Variants in DGKB observed in about 807,000 individuals in gnomAD.
The protein encoded by DGKB is 90 kDa diacylglycerol kinase.
A neutral mutation model predicts 114.3 loss-of-function variants in DGKB; 67 were observed. That is an observed-to-expected ratio of 0.59 (90% CI 0.48 to 0.72). The LOEUF (loss-of-function observed/expected upper bound fraction) is 0.72, where lower values mean the gene tolerates loss of function less well. DGKB is among the 30% of genes least tolerant of loss of function. The pLI is 0.00. For synonymous variants in DGKB, 398 were observed against 323.1 expected (o/e 1.23, Z -2.49); for missense variants, 907 against 975.2 (o/e 0.93, Z 0.93).
intron 23 of DGKB, among the ~76,000 whole-genome samples, chr7:14,325,543 T>C (rs1176914064): frequency 2.6e-5 from 4 of 152,140 alleles, no homozygotes; most frequent in African/African-American, 9.7e-5. Context: ...TTCGTTGGGA[T>C]AAATATTCTA....
chr7:14,775,681 A>C (rs538960125), intron 2 of DGKB, among the ~76,000 whole-genome samples: 1 of 151,982 alleles, frequency 6.6e-6, no homozygotes, highest in Non-Finnish European at 1.5e-5. Context: ...CATGTGAAGA[A>C]GGATGTGTTT....
intron 22 of DGKB, among the ~76,000 whole-genome samples, chr7:14,340,012 T>A (rs1186948801): frequency 6.6e-6 from 1 of 151,902 alleles, no homozygotes; most frequent in African/African-American, 2.4e-5. Flanking sequence ...AAGCTAGGAT[T>A]GCATCTTGTT....
intron 14 of DGKB, among the ~76,000 whole-genome samples, chr7:14,628,068 A>G (rs1439040437): frequency 6.6e-6 from 1 of 152,172 alleles, no homozygotes; most frequent in Non-Finnish European, 1.5e-5. Context: ...AGTAAGTACC[A>G]GGAGGCAGCT....
chr7:14,578,653 G>C (rs956706298), intron 19 of DGKB, among the ~76,000 whole-genome samples: 1 of 152,122 alleles, frequency 6.6e-6, no homozygotes, highest in African/African-American at 2.4e-5. Flanking sequence ...AATCATGTAA[G>C]CTCTAGTCTG....
chr7:14,519,786 C>T (rs1196641632), intron 20 of DGKB, among the ~76,000 whole-genome samples: 2 of 151,712 alleles, frequency 1.3e-5, no homozygotes. Context: ...TTTTAATTTG[C>T]ATTTCTTTAA....
chr7:14,497,187 CG>C (rs1785430048), intron 20 of DGKB, among the ~76,000 whole-genome samples: 1 of 150,890 alleles, frequency 6.6e-6, no homozygotes, highest in African/African-American at 2.4e-5. Context: ...GACTCAGAAG[CG>C]GGGAGAAAGA....
At chr7:14,659,150 C>T (rs1369491151) in intron 13 of DGKB, among the ~76,000 whole-genome samples, 1 of 151,944 alleles carries the variant, frequency 6.6e-6, no homozygotes, top group East Asian at 1.9e-4. Context: ...TAACTCTATT[C>T]TTAAAGGCTC....
intron 21 of DGKB, among the ~76,000 whole-genome samples, chr7:14,430,221 A>T (rs12533433): frequency 0.11 from 17,276 of 152,184 alleles, 1,178 homozygotes; most frequent in East Asian, 0.29. Context: ...TTGGACCAAG[A>T]TATACGCCTT....
intron 5 of DGKB, among the ~76,000 whole-genome samples, chr7:14,727,984 C>G (rs75085642): frequency 0.027 from 4,064 of 152,290 alleles, 91 homozygotes; most frequent in South Asian, 0.047. Flanking sequence ...ATTTTCTGTT[C>G]TTAATTGATT....
chr7:14,190,182 A>C (rs1264561022), intron 23 of DGKB, among the ~76,000 whole-genome samples: 1 of 152,200 alleles, frequency 6.6e-6, no homozygotes, highest in African/African-American at 2.4e-5. Context: ...GTAAGAAGAG[A>C]TGATCAGCTA....
In DGKB at chr7:14,583,084, T is replaced by C. The variant is rs1800192735; in HGVS notation, c.1487A>G (p.Asp496Gly). 1 of 1,613,284 alleles carries C rather than the reference T, an allele frequency of 6.2e-7. No individual in the cohort carries two copies. The highest frequency in any genetic ancestry group is 8.5e-7 in the Non-Finnish European group (1 of 1,179,650). Reference protein sequence around the residue: ...PDFRVLACGGDGTVGWVLDCI... With the variant: ...PDFRVLACGGGGTVGWVLDCI... Reference sequence around the variant, plus strand: ...ATCCAAAACCCAGCCCACGGTTCCATCTCCACCACAGGCTAACACTCTGAA... The same window carrying C: ...ATCCAAAACCCAGCCCACGGTTCCACCTCCACCACAGGCTAACACTCTGAA... Residue 496 changes from aspartate (D) to glycine (G), a missense_variant, in exon 18 of 26, where the codon GAT becomes GGT. Asp to Gly is a moderately conservative substitution (Grantham distance 94, BLOSUM62 -1). Transcript: ENST00000402815.
intron 9 of DGKB, among the ~76,000 whole-genome samples, chr7:14,693,859 C>G (rs1200846914): frequency 6.6e-6 from 1 of 151,958 alleles, no homozygotes; most frequent in Non-Finnish European, 1.5e-5. Context: ...ATTTTTAATC[C>G]TGAAGTAATA....
rs71004316 is a variant in DGKB, at chr7:14,607,157, CGT to C, written c.1433+275_1433+276del. On this transcript the variant is annotated intron_variant, in intron 17 of 25. Transcript: ENST00000402815. ...TCAAACTGGCATTCAGCTAGTTTGT[CGT>C]GTGTGTGTGTGTGTGTGTGTGTGAG... Among the ~76,000 whole-genome samples the C allele has an allele frequency of 9.6e-3, 1,424 of 148,280 alleles. 18 individuals are homozygous for C. The highest frequency in any genetic ancestry group is 0.055 in the South Asian group (256 of 4,664).
chr7:14,253,075 C>T (rs752513520), intron 23 of DGKB, among the ~76,000 whole-genome samples: 10 of 151,662 alleles, frequency 6.6e-5, no homozygotes, highest in Non-Finnish European at 1.0e-4. Flanking sequence ...CGCTGTGTCA[C>T]CCAGGCTGGA....
chr7:14,599,671 A>G (rs558223831), intron 17 of DGKB, among the ~76,000 whole-genome samples: 2 of 152,204 alleles, frequency 1.3e-5, no homozygotes, highest in Admixed American at 6.5e-5. Context: ...TCACTAAAAT[A>G]TAAGGCTGTG....
At chr7:14,820,986 G>T (rs1252766174) in intron 2 of DGKB, among the ~76,000 whole-genome samples, 1 of 152,026 alleles carries the variant, frequency 6.6e-6, no homozygotes, top group Non-Finnish European at 1.5e-5. Flanking sequence ...ATACTGAATT[G>T]TCTGTCCTCT....
chr7:14,270,800 AAGG>A (rs1374092398), intron 23 of DGKB, among the ~76,000 whole-genome samples: 8 of 152,188 alleles, frequency 5.3e-5, no homozygotes, highest in African/African-American at 1.9e-4. Flanking sequence ...AAAGTTGCTT[AAGG>A]AGATTTCCTG....
chr7:14,889,840 A>G (rs1325653769), intron 1 of DGKB, among the ~76,000 whole-genome samples: 1 of 151,562 alleles, frequency 6.6e-6, no homozygotes, highest in East Asian at 1.9e-4. Context: ...AGAAGTAGAC[A>G]TAATTTTTAA....
chr7:14,339,462 C>A (rs192698033), intron 22 of DGKB, among the ~76,000 whole-genome samples: 51 of 151,978 alleles, frequency 3.4e-4, no homozygotes, highest in Admixed American at 2.8e-3. Flanking sequence ...GGTTAATCAG[C>A]CCAATTTTTC....
Sources: gnomAD v4.1 joint callset for allele counts (sites outside exome capture counted in the v4.1 genomes callset) on GRCh38, gnomAD v4.1.1 for gene constraint, MANE v1.5 for transcripts, NCBI Gene and HGNC (gene_info 2026-07-23, HGNC 2026-07-21) for gene names.